The following RGS6 variants were observed in gnomAD, a reference collection of about 807,000 sequenced individuals.
The protein encoded by RGS6 is regulator of G-protein signaling 6.
Under a neutral mutation model 78.5 loss-of-function variants are expected in RGS6, and 30 were observed. The ratio of observed to expected loss-of-function variants is 0.38; its 90% CI spans 0.29 to 0.52. The LOEUF is 0.52. Ranked by LOEUF, RGS6 falls within the 20% of genes least tolerant of loss-of-function variation. The pLI, the probability that RGS6 is intolerant of heterozygous loss-of-function variation, is 0.85. For synonymous variants in RGS6, 206 were observed against 206.0 expected (o/e 1.00, Z 0.00); for missense variants, 495 against 609.7 (o/e 0.81, Z 1.98).
rs556103045 is a variant in RGS6 at position 72,371,301 on chromosome 14, C to G, written c.184+19107C>G. ...GTCATTAAAATCTTACTCTAAATGTCGCATTAATTCATCTTTTCAACATTT... is the reference window on the plus strand; with the variant it reads ...GTCATTAAAATCTTACTCTAAATGTGGCATTAATTCATCTTTTCAACATTT... On this transcript the variant is annotated intron_variant, in intron 3 of 17. Coordinates refer to ENST00000553525, the MANE Select transcript of RGS6 (RefSeq NM_001204424.2). 6.6e-4 allele frequency among the ~76,000 whole-genome samples: 101 copies of G among 152,158 alleles called. 1 individual carries two copies. The highest frequency in any genetic ancestry group is 2.3e-3 in the African/African-American group (97 of 41,498).
At chr14:72,316,075 G>C (rs749707157) in intron 2 of RGS6, among the ~76,000 whole-genome samples, 1 of 152,176 alleles carries the variant, frequency 6.6e-6, no homozygotes, top group Non-Finnish European at 1.5e-5. Context: ...GCCCTTTACC[G>C]TTTGTTGTTC....
intron 3 of RGS6, among the ~76,000 whole-genome samples, chr14:72,414,716 A>G (rs978462582): frequency 1.3e-5 from 2 of 151,622 alleles, no homozygotes; most frequent in Admixed American, 6.6e-5. Flanking sequence ...GTCTTTGATG[A>G]TGGTGATGTT....
chr14:72,021,804 G>T (rs1274562030), intron 2 of RGS6, among the ~76,000 whole-genome samples: 1 of 151,700 alleles, frequency 6.6e-6, no homozygotes, highest in South Asian at 2.1e-4. Context: ...AGGTTCAGGG[G>T]TACATGTGAA....
intron 3 of RGS6, among the ~76,000 whole-genome samples, chr14:72,447,895 G>C (rs1395454285): frequency 6.6e-6 from 1 of 152,036 alleles, no homozygotes; most frequent in East Asian, 1.9e-4. Context: ...GTAGAGTCAG[G>C]GTTTCACCAT....
intron 2 of RGS6, among the ~76,000 whole-genome samples, chr14:72,000,771 C>T (rs2083272645): frequency 6.6e-6 from 1 of 152,114 alleles, no homozygotes; most frequent in African/African-American, 2.4e-5. Context: ...ACTCGAAAAA[C>T]CACTGGATTT....
At chr14:72,540,490 G>C in intron 17 of RGS6, 1 of 1,421,420 alleles carries the variant, frequency 7.0e-7, no homozygotes, top group East Asian at 2.6e-5. Flanking sequence ...ATAGCTCATC[G>C]AAAAAAAAAA....
At chr14:71,892,256 C>A in the RGS6 span, among the ~76,000 whole-genome samples, 2 of 152,160 alleles carry the variant, frequency 1.3e-5, no homozygotes, top group Admixed American at 6.5e-5. Flanking sequence ...GGTGGCTCAC[C>A]GCCTGAGAAA....
chr14:71,872,817 G>A, the RGS6 span, among the ~76,000 whole-genome samples: 7 of 152,118 alleles, frequency 4.6e-5, no homozygotes, highest in East Asian at 1.9e-4. Flanking sequence ...GACAGGCCCC[G>A]TGTGTGATAT....
intron 2 of RGS6, among the ~76,000 whole-genome samples, chr14:72,032,434 A>G (rs1248089178): frequency 6.6e-6 from 1 of 152,140 alleles, no homozygotes; most frequent in Non-Finnish European, 1.5e-5. Context: ...AAGACTGGGT[A>G]TTTTTCATAC....
intron 2 of RGS6, among the ~76,000 whole-genome samples, chr14:72,177,102 A>G (rs1377403147): frequency 1.3e-5 from 2 of 152,210 alleles, no homozygotes; most frequent in African/African-American, 4.8e-5. Context: ...CAGCATGAAT[A>G]AACCACAATT....
intron 2 of RGS6, among the ~76,000 whole-genome samples, chr14:72,196,507 CT>C (rs1357568540): frequency 6.6e-6 from 1 of 152,190 alleles, no homozygotes; most frequent in African/African-American, 2.4e-5. Context: ...GACATGCCCC[CT>C]GTTCCTCCTG....
At chr14:72,303,591 C>T (rs919666514) in intron 2 of RGS6, among the ~76,000 whole-genome samples, 3 of 152,164 alleles carry the variant, frequency 2.0e-5, no homozygotes, top group African/African-American at 7.2e-5. Flanking sequence ...TCAATAAAGG[C>T]ATTTTTAAGA....
the RGS6 span, among the ~76,000 whole-genome samples, chr14:71,869,290 G>A: frequency 8.8e-4 from 134 of 152,318 alleles, no homozygotes; most frequent in African/African-American, 2.8e-3. Context: ...AGATGAGCAA[G>A]TAGGTTTCTT....
At chr14:71,999,748 C>CCA (rs1555425212) in intron 2 of RGS6, among the ~76,000 whole-genome samples, 6 of 152,178 alleles carry the variant, frequency 3.9e-5, no homozygotes, top group South Asian at 2.1e-4. Context: ...TGTGAATTGC[C>CCA]TAGCTCCCCC....
At chr14:72,044,948 G>A (rs903023827) in intron 2 of RGS6, among the ~76,000 whole-genome samples, 5 of 152,210 alleles carry the variant, frequency 3.3e-5, no homozygotes, top group African/African-American at 1.2e-4. Context: ...TCTGGGTCTT[G>A]TATCTGCAGT....
chr14:72,308,630 T>C (rs1234458601), intron 2 of RGS6, among the ~76,000 whole-genome samples: 1 of 152,236 alleles, frequency 6.6e-6, no homozygotes, highest in Non-Finnish European at 1.5e-5. Flanking sequence ...TGTTCAAATA[T>C]ATTTGAGCAA....
chr14:72,505,019 G>A (rs111227133), intron 13 of RGS6, among the ~76,000 whole-genome samples: 13,566 of 140,028 alleles, frequency 0.097, 743 homozygotes, highest in South Asian at 0.15. Context: ...CTTGTGATCC[G>A]CCTGCATTGG....
At position 72,293,644 on chromosome 14, in the gene RGS6, C is replaced by G. The variant is rs530495808; in HGVS notation, c.85-58451C>G. ...CATTTTATTTAAAAGCAAATGCCGA[C>G]CAAGTAGTCAGTAGCACCCTTTCAG... On this transcript the variant is annotated intron_variant, in intron 2 of 17. Transcript: ENST00000553525. 2.0e-5 allele frequency among the ~76,000 whole-genome samples: 3 copies of G among 152,254 alleles called. No homozygotes were observed. In the South Asian group the frequency reaches 6.2e-4, roughly 32 times the overall value.
intron 2 of RGS6, among the ~76,000 whole-genome samples, chr14:72,000,791 A>G (rs1043147221): frequency 6.6e-6 from 1 of 152,182 alleles, no homozygotes; most frequent in Admixed American, 6.5e-5. Flanking sequence ...TGGTGACCAC[A>G]TCTCAAGGTC....
Sources: allele counts gnomAD v4.1 joint callset (sites outside exome capture counted in the v4.1 genomes callset), GRCh38; gene constraint gnomAD v4.1.1; transcripts MANE v1.5; gene names NCBI Gene and HGNC (gene_info 2026-07-23, HGNC 2026-07-21).